PCDHGA5: variants seen among roughly 807,000 people sequenced by gnomAD.
PCDHGA5 encodes protocadherin gamma-A5.
In PCDHGA5, 36 loss-of-function variants were observed where a neutral mutation model predicts 56.7. The ratio of observed to expected loss-of-function variants is 0.64; its 90% CI spans 0.49 to 0.84. PCDHGA5 has a LOEUF of 0.84. Ranked by LOEUF, PCDHGA5 falls within the 40% of genes least tolerant of loss-of-function variation. The probability of loss-of-function intolerance (pLI) is 0.00; values close to 1 mark genes in which losing one functional copy is unlikely to be tolerated. For synonymous variants in PCDHGA5, 563 were observed against 520.2 expected (o/e 1.08, Z -1.12); for missense variants, 1,305 against 1,201.5 (o/e 1.09, Z -1.27).
chr5:141,418,938 C>A, intron 1 of PCDHGA5: 3 of 1,613,738 alleles, frequency 1.9e-6, no homozygotes, highest in Non-Finnish European at 2.5e-6. Flanking sequence ...ATGGAGGATT[C>A]CCCTCCAGGA....
rs182297545 is a variant in PCDHGA5 at position 141,400,627 on chromosome 5, G to A, written c.2421+33876G>A. ...AAGTCCAATGAGTTGTCTTAGGGAA[G>A]TCAGAGCTGCTCAGAAAGCTGTCCT... On this transcript the variant is annotated intron_variant, in intron 1 of 3. Transcript: ENST00000518069. 46 of 1,441,658 alleles carry A rather than the reference G, an allele frequency of 3.2e-5. 1 individual carries two copies. In the East Asian group the frequency reaches 8.4e-4, roughly 26 times the overall value. 89.3% of individuals were successfully genotyped at this position (1,441,658 alleles called of 1,614,324 possible). A position where few individuals can be genotyped will look rare whatever the true frequency, so the allele number is the denominator to read the frequency against.
chr5:141,422,869 T>A, intron 1 of PCDHGA5: 2 of 1,614,202 alleles, frequency 1.2e-6, no homozygotes, highest in Non-Finnish European at 1.7e-6. Context: ...CAGCAACGTG[T>A]CGCTGAGCCT....
chr5:141,468,159 T>C (rs1408861467), intron 1 of PCDHGA5, among the ~76,000 whole-genome samples: 2 of 151,760 alleles, frequency 1.3e-5, no homozygotes, highest in Admixed American at 6.6e-5. Context: ...ACCCTGTCTC[T>C]GCTAAAAATA....
chr5:141,407,982 G>A (rs976187867), intron 1 of PCDHGA5: 3 of 782,892 alleles, frequency 3.8e-6, no homozygotes, highest in Non-Finnish European at 5.7e-6. Context: ...CCGGGGATCC[G>A]TCAGCCTCTG....
chr5:141,497,540 C>CA (rs1491509812), intron 2 of PCDHGA5, among the ~76,000 whole-genome samples: 7 of 134,922 alleles, frequency 5.2e-5, no homozygotes, highest in Admixed American at 1.5e-4. Flanking sequence ...TGCAACAAAC[C>CA]TTTTTTTTTT....
At chr5:141,469,111 T>TA (rs1275770294) in intron 1 of PCDHGA5, among the ~76,000 whole-genome samples, 1 of 151,476 alleles carries the variant, frequency 6.6e-6, no homozygotes, top group African/African-American at 2.4e-5. Context: ...AACCTGTCTC[T>TA]AAAAAAATTT....
intron 1 of PCDHGA5, chr5:141,389,699 C>T: frequency 1.2e-6 from 2 of 1,612,646 alleles, no homozygotes; most frequent in Non-Finnish European, 1.7e-6. Flanking sequence ...TGTCCTACCA[C>T]GTGCTGCAGG....
intron 1 of PCDHGA5, among the ~76,000 whole-genome samples, chr5:141,465,824 T>A (rs1447359333): frequency 6.6e-6 from 1 of 152,076 alleles, no homozygotes; most frequent in Non-Finnish European, 1.5e-5. Context: ...ATCACATTTG[T>A]TTAAAATTTC....
Position 141,455,633 on chromosome 5 carries a change from G to A in PCDHGA5, c.2422-39174G>A, listed in dbSNP as rs1049071525. On this transcript the variant is annotated intron_variant, in intron 1 of 3. Coordinates refer to ENST00000518069, the MANE Select transcript of PCDHGA5 (RefSeq NM_018918.3). ...ATGTTCTAAACACGTGGAGATATGT[G>A]GGGGGCAGCCATGTGGCCAGGAACT... Among the ~76,000 whole-genome samples, 19 of 152,198 alleles carry A rather than the reference G, an allele frequency of 1.2e-4. No homozygotes were observed. In the East Asian group the frequency reaches 3.1e-3, roughly 25 times the overall value.
At position 141,366,546 on chromosome 5, in the gene PCDHGA5, ACT is replaced by A. The variant is rs1213982480; in HGVS notation, c.2217_2218del (p.Phe740CysfsTer41). On this transcript the variant is annotated frameshift_variant, in exon 1 of 4. Coordinates refer to ENST00000518069, the MANE Select transcript of PCDHGA5 (RefSeq NM_018918.3). LOFTEE classifies it high-confidence loss of function. ...AGGTTGGCGGGTGTGCCCGCCTCGC[ACT>A]TTGTGGGCGTGGATGGGGTTCGGGC... The A allele has an allele frequency of 3.7e-6, 6 of 1,614,216 alleles. No individual in the cohort carries two copies. The highest frequency in any genetic ancestry group is 5.1e-6 in the Non-Finnish European group (6 of 1,180,042).
intron 1 of PCDHGA5, among the ~76,000 whole-genome samples, chr5:141,488,600 A>G (rs2099677400): frequency 6.6e-6 from 1 of 152,166 alleles, no homozygotes; most frequent in Admixed American, 6.5e-5. Flanking sequence ...AAGACTTTAC[A>G]AGGTTCTTAC....
intron 3 of PCDHGA5, among the ~76,000 whole-genome samples, chr5:141,508,533 C>A (rs1396219805): frequency 6.6e-6 from 1 of 152,160 alleles, no homozygotes; most frequent in Non-Finnish European, 1.5e-5. Flanking sequence ...CAGGGCACCC[C>A]CCACGAGGTG....
intron 1 of PCDHGA5, chr5:141,384,697 C>CA (rs1290309898): frequency 6.2e-7 from 1 of 1,614,142 alleles, no homozygotes; most frequent in Non-Finnish European, 8.5e-7. Context: ...AGATTCAGGC[C>CA]AGAACGCCTG....
chr5:141,465,574 C>T (rs1477852984), intron 1 of PCDHGA5, among the ~76,000 whole-genome samples: 2 of 152,160 alleles, frequency 1.3e-5, no homozygotes, highest in Admixed American at 1.3e-4. Context: ...TTTCTCAAAA[C>T]ACTCTCATAA....
At position 141,366,029 on chromosome 5, in the gene PCDHGA5, C is replaced by G. The variant is rs766110369; in HGVS notation, c.1699C>G (p.Leu567Val). ...DNTPEILYPA[L>V]PTDGSTGVEL... The stretch of plus-strand genomic sequence containing the variant: ...TACGCCTGAGATCCTGTACCCCGCC[C>G]TCCCCACAGACGGTTCCACGGGCGT... Residue 567 changes from leucine to valine, a missense_variant, in exon 1 of 4, where the codon CTC becomes GTC. Transcript: ENST00000518069. The G allele has an allele frequency of 6.2e-7, 1 of 1,614,260 alleles. No individual in the cohort carries two copies. The highest frequency in any genetic ancestry group is 1.7e-5 in the Admixed American group (1 of 60,036).
At chr5:141,398,977 A>G (rs761532339) in intron 1 of PCDHGA5, 2 of 1,613,952 alleles carry the variant, frequency 1.2e-6, no homozygotes, top group Non-Finnish European at 1.7e-6. Context: ...CTTCTACAGA[A>G]CCGGGCAAAT....
chr5:141,387,810 A>G (rs2091099710), intron 1 of PCDHGA5: 1 of 1,525,916 alleles, frequency 6.6e-7, no homozygotes. Context: ...TCGGAGATCC[A>G]AAAATCTGCA....
intron 1 of PCDHGA5, among the ~76,000 whole-genome samples, chr5:141,406,188 T>C (rs1313997032): frequency 6.6e-6 from 1 of 151,612 alleles, no homozygotes; most frequent in African/African-American, 2.4e-5. Flanking sequence ...TCCTCCCACC[T>C]CAGCCTTCAC....
intron 1 of PCDHGA5, chr5:141,378,037 A>G (rs898518521): frequency 1.3e-5 from 2 of 152,204 alleles, no homozygotes; most frequent in African/African-American, 4.8e-5. Flanking sequence ...TTAAAACAAG[A>G]CTTTCCTTAT....
Sources: allele counts gnomAD v4.1 joint callset (sites outside exome capture counted in the v4.1 genomes callset), GRCh38; gene constraint gnomAD v4.1.1; transcripts MANE v1.5; gene names NCBI Gene and HGNC (gene_info 2026-07-23, HGNC 2026-07-21).